NTN1: variants seen among roughly 807,000 people sequenced by gnomAD.
NTN1 encodes the protein netrin 1.
Under a neutral mutation model 54.2 loss-of-function variants are expected in NTN1, and 11 were observed. That is an observed-to-expected ratio of 0.20 (90% CI 0.13 to 0.34). The LOEUF is 0.34. Among genes scored for constraint, NTN1 ranks in the 10% least tolerant of loss-of-function variants. NTN1 has a pLI of 1.00. For missense variants in NTN1, 740 were observed against 893.1 expected, an observed-to-expected ratio of 0.83 and a Z score of 2.18; for synonymous variants, 371 against 382.0, an observed-to-expected ratio of 0.97 and a Z score of 0.33.
chr17:9,055,416 GA>G (rs1158246746), intron 2 of NTN1, among the ~76,000 whole-genome samples: 1 of 152,216 alleles, frequency 6.6e-6, no homozygotes, highest in East Asian at 1.9e-4. Flanking sequence ...AGAAGTAAAA[GA>G]AGTGATGAGA....
At chr17:9,015,385 T>C in the NTN1 span, among the ~76,000 whole-genome samples, 10 of 152,156 alleles carry the variant, frequency 6.6e-5, no homozygotes, top group Non-Finnish European at 8.8e-5. Context: ...CACTCCAGCC[T>C]GGGCATCAGA....
intron 2 of NTN1, among the ~76,000 whole-genome samples, chr17:9,082,590 C>T (rs967016431): frequency 3.9e-5 from 6 of 152,258 alleles, no homozygotes; most frequent in Admixed American, 1.3e-4. Flanking sequence ...AGTGTGGGGC[C>T]GTGAGCAGCG....
At chr17:9,142,399 C>T (rs902717946) in intron 2 of NTN1, among the ~76,000 whole-genome samples, 1 of 152,058 alleles carries the variant, frequency 6.6e-6, no homozygotes. Context: ...ACATCTTACA[C>T]AGCAGAGGTG....
chr17:9,222,193 A>G lies in NTN1; in HGVS notation c.1486+951A>G, dbSNP rs59424838. Among the ~76,000 whole-genome samples, 776 of 152,266 alleles carry G rather than the reference A, an allele frequency of 5.1e-3. 5 individuals are homozygous for G. Among genetic ancestry groups the G allele is most frequent in the East Asian group, 0.017 (87 of 5,168 alleles). On this transcript the variant is annotated intron_variant, in intron 6 of 6. Coordinates refer to ENST00000173229, the MANE Select transcript of NTN1 (RefSeq NM_004822.3). ...GATTGAGCCTGGGGCTGGCCCCCCA[A>G]TTCTGGGCCCACGAAAGTCCACATC...
chr17:9,076,934 C>T (rs138088888), intron 2 of NTN1, among the ~76,000 whole-genome samples: 7 of 152,310 alleles, frequency 4.6e-5, no homozygotes, highest in Admixed American at 1.3e-4. Flanking sequence ...TCTTGCTAGA[C>T]GGGTTCCCCT....
At chr17:9,096,366 CTTTTTT>C (rs1555567412) in intron 2 of NTN1, among the ~76,000 whole-genome samples, 2 of 91,510 alleles carry the variant, frequency 2.2e-5, no homozygotes, top group Admixed American at 1.5e-4. Context: ...TATGGGTAGA[CTTTTTT>C]TTTTTTTTTT....
In NTN1 at chr17:9,234,936, G is replaced by T. The variant is rs146399707; in HGVS notation, c.1487-4704G>T. Among the ~76,000 whole-genome samples the T allele has an allele frequency of 7.6e-3, 1,125 of 147,516 alleles. 19 individuals are homozygous for T. The highest frequency in any genetic ancestry group is 0.027 in the African/African-American group (1,075 of 39,918). ...ATACCAGCAGTCCCTAATTTGTTGGGTTTTTTTTGTCTGTTTTTTGTTTTT... is the reference window on the plus strand; with the variant it reads ...ATACCAGCAGTCCCTAATTTGTTGGTTTTTTTTTGTCTGTTTTTTGTTTTT... On this transcript the variant is annotated intron_variant, in intron 6 of 6. Coordinates refer to ENST00000173229, the MANE Select transcript of NTN1 (RefSeq NM_004822.3).
Position 9,219,123 on chromosome 17 carries a change from C to G in NTN1, c.1412-2045C>G, listed in dbSNP as rs137996000. On this transcript the variant is annotated intron_variant, in intron 5 of 6. Coordinates refer to ENST00000173229, the MANE Select transcript of NTN1 (RefSeq NM_004822.3). This position sits in a 1 kb window ranked among gnomAD's most constrained non-coding sequence, Gnocchi z 4.5. ...ATTGTGAGCGTCATCTATCCCTGAGCTGGCAAAGATGTGGCCCAGAGCGGC... is the reference window on the plus strand; with the variant it reads ...ATTGTGAGCGTCATCTATCCCTGAGGTGGCAAAGATGTGGCCCAGAGCGGC... Among the ~76,000 whole-genome samples the G allele has an allele frequency of 6.6e-6, 1 of 152,326 alleles. No individual in the cohort carries two copies. Among genetic ancestry groups the G allele is most frequent in the East Asian group, 1.9e-4 (1 of 5,188 alleles).
intron 2 of NTN1, among the ~76,000 whole-genome samples, chr17:9,057,780 T>C (rs2091983912): frequency 6.6e-6 from 1 of 152,278 alleles, no homozygotes; most frequent in Non-Finnish European, 1.5e-5. Flanking sequence ...ACACTTTTAA[T>C]TTCATGAGAA....
intron 5 of NTN1, among the ~76,000 whole-genome samples, chr17:9,198,751 A>T (rs1904704363): frequency 1.3e-5 from 2 of 152,240 alleles, no homozygotes; most frequent in South Asian, 4.1e-4. Flanking sequence ...ACAGCCCAGG[A>T]GTTCAGGCTC....
At chr17:9,013,203 C>CT in the NTN1 span, among the ~76,000 whole-genome samples, 1 of 135,564 alleles carries the variant, frequency 7.4e-6, no homozygotes, top group Non-Finnish European at 1.5e-5. Flanking sequence ...CTCTTTTTTT[C>CT]TTTTTTCTTT....
At chr17:9,132,523 C>T (rs570036779) in intron 2 of NTN1, among the ~76,000 whole-genome samples, 2 of 152,312 alleles carry the variant, frequency 1.3e-5, no homozygotes, top group South Asian at 4.1e-4. Flanking sequence ...CCCTTTAATC[C>T]TAGCACTGTG....
At chr17:9,114,160 A>ATATATATATATATATATAT (rs1310655092) in intron 2 of NTN1, among the ~76,000 whole-genome samples, 21 of 94,356 alleles carry the variant, frequency 2.2e-4, no homozygotes, top group Non-Finnish European at 3.3e-4. Context: ...AAAGAAAAAA[A>ATATATATATATATATATAT]AAAAAAATAT....
chr17:9,052,440 T>C, intron 2 of NTN1, among the ~76,000 whole-genome samples: 1 of 152,232 alleles, frequency 6.6e-6, no homozygotes, highest in East Asian at 1.9e-4. Context: ...TGCAAGTGTG[T>C]TGGTCTCAGA....
Position 9,212,641 on chromosome 17 carries a change from C to T in NTN1, c.1412-8527C>T, listed in dbSNP as rs1905135657. 2.0e-5 allele frequency among the ~76,000 whole-genome samples: 3 copies of T among 152,244 alleles called. No individual in the cohort carries two copies. The highest frequency in any genetic ancestry group is 3.9e-4 in the East Asian group (2 of 5,194). ...CCAGGGAGAACCAGGGGCTCCTCCCCTACGCCCAGCCCTTGGCGTCTGCAA... is the reference window on the plus strand; with the variant it reads ...CCAGGGAGAACCAGGGGCTCCTCCCTTACGCCCAGCCCTTGGCGTCTGCAA... On this transcript the variant is annotated intron_variant, in intron 5 of 6. Transcript: ENST00000173229. The surrounding 1 kb of genome is among the most constrained non-coding windows in gnomAD (Gnocchi z 5.5).
intron 2 of NTN1, among the ~76,000 whole-genome samples, chr17:9,095,259 T>C (rs1311949975): frequency 2.6e-5 from 4 of 152,264 alleles, no homozygotes; most frequent in Admixed American, 6.5e-5. Flanking sequence ...GTTTTGCTTC[T>C]GGTGCTCGTT....
At chr17:9,059,159 G>A (rs1050982235) in intron 2 of NTN1, among the ~76,000 whole-genome samples, 8 of 152,112 alleles carry the variant, frequency 5.3e-5, no homozygotes, top group Non-Finnish European at 7.4e-5. Flanking sequence ...TGAATCCTGG[G>A]TTTAATATGA....
chr17:9,150,905 G>A lies in NTN1; in HGVS notation c.1019-11908G>A, dbSNP rs114379502. ...GGCACAGCGGGAGAAAGAACCACAG[G>A]GCCTGGGCTGTGCTTTTTGGAGAGC... On this transcript the variant is annotated intron_variant, in intron 2 of 6. Transcript: ENST00000173229. Among the ~76,000 whole-genome samples, 494 of 152,346 alleles carry A rather than the reference G, an allele frequency of 3.2e-3. 5 individuals are homozygous for A. Among genetic ancestry groups the A allele is most frequent in the African/African-American group, 0.011 (462 of 41,590 alleles).
intron 5 of NTN1, among the ~76,000 whole-genome samples, chr17:9,214,230 G>A (rs1905169681): frequency 6.6e-6 from 1 of 152,030 alleles, no homozygotes; most frequent in South Asian, 2.1e-4. Flanking sequence ...TATCATTGTG[G>A]TCAGGAAATG....
Sources: gnomAD v4.1 joint callset for allele counts (sites outside exome capture counted in the v4.1 genomes callset) on GRCh38, gnomAD v4.1.1 for gene constraint, Gnocchi (gnomAD v3.1) non-coding constraint, MANE v1.5 for transcripts, NCBI Gene and HGNC (gene_info 2026-07-23, HGNC 2026-07-21) for gene names.